The following TENT5D variants were observed in gnomAD, a reference collection of about 807,000 sequenced individuals.
TENT5D encodes cancer/testis antigen 112.
For synonymous variants in TENT5D, 103 were observed against 100.6 expected (o/e 1.02, Z -0.15); for missense variants, 191 against 287.0 (o/e 0.67, Z 2.42).
upstream of TENT5D, among the ~76,000 whole-genome samples, chrX:80,416,222 C>A (rs1362084621): frequency 1.1e-5 from 1 of 93,383 alleles, no homozygotes; most frequent in Non-Finnish European, 2.1e-5. Flanking sequence ...CTTATTTATT[C>A]TTTCAAAGAA....
At chrX:80,351,360 T>C (rs1368205481) in intron 3 of TENT5D, among the ~76,000 whole-genome samples, 1 of 108,740 alleles carries the variant, frequency 9.2e-6, no homozygotes, top group Non-Finnish European at 1.9e-5. Context: ...TGTTTTTTTT[T>C]TCTCAAATCT....
At chrX:80,407,154 A>T (rs1392673149) in intron 3 of TENT5D, among the ~76,000 whole-genome samples, 25 of 109,445 alleles carry the variant, frequency 2.3e-4, no homozygotes, top group Middle Eastern at 4.6e-3. Flanking sequence ...TCATGCCAAA[A>T]TGTAAAGACC....
intron 2 of TENT5D, among the ~76,000 whole-genome samples, chrX:80,342,286 G>A (rs1047070187): frequency 4.5e-5 from 5 of 110,989 alleles, no homozygotes; most frequent in African/African-American, 9.8e-5. Context: ...ACTACAACAC[G>A]TCTCAAATTC....
At chrX:80,345,330 T>C (rs1264829264) in intron 3 of TENT5D, among the ~76,000 whole-genome samples, 1 of 111,726 alleles carries the variant, frequency 9.0e-6, no homozygotes, top group African/African-American at 3.2e-5. Context: ...CATTTCCCCT[T>C]TGTCCTCACC....
chrX:80,380,548 T>C (rs1055829724), intron 3 of TENT5D, among the ~76,000 whole-genome samples: 1 of 110,955 alleles, frequency 9.0e-6, no homozygotes, highest in Non-Finnish European at 1.9e-5. Flanking sequence ...TGTCTAATAT[T>C]GACAGTGGGG....
intron 3 of TENT5D, among the ~76,000 whole-genome samples, chrX:80,401,406 T>G (rs774955390): frequency 9.0e-6 from 1 of 111,692 alleles, no homozygotes; most frequent in Non-Finnish European, 1.9e-5. Context: ...TTTATTTCTT[T>G]CTTTTGCCTT....
intron 3 of TENT5D, among the ~76,000 whole-genome samples, chrX:80,394,930 A>G (rs917906678): frequency 9.0e-6 from 1 of 111,478 alleles, no homozygotes; most frequent in Non-Finnish European, 1.9e-5. Context: ...CGTTAACTAT[A>G]GTCACCCTAA....
rs60527864 is a variant in TENT5D at position 80,424,657 on chromosome X, C to T, written c.-142+4094C>T. ...GACAGCTGTATGATAACTTTTGAAA[C>T]ATAATTTTTTCTCCAGTCCTCATTT... is the stretch of plus-strand genomic sequence containing the variant. On this transcript the variant is annotated intron_variant, in intron 1 of 2. Coordinates refer to ENST00000308293, the Ensembl canonical transcript of TENT5D. 7.0e-3 allele frequency among the ~76,000 whole-genome samples: 786 copies of T among 112,375 alleles called. 6 individuals are homozygous for T. Among genetic ancestry groups the T allele is most frequent in the African/African-American group, 0.024 (741 of 30,940 alleles).
chrX:80,382,642 C>A (rs1930892197), intron 3 of TENT5D, among the ~76,000 whole-genome samples: 1 of 110,902 alleles, frequency 9.0e-6, no homozygotes, highest in African/African-American at 3.3e-5. Flanking sequence ...CTGTGGTGGG[C>A]TCCACCCAGT....
At chrX:80,354,218 GT>G (rs1368755761) in intron 3 of TENT5D, among the ~76,000 whole-genome samples, 1 of 111,319 alleles carries the variant, frequency 9.0e-6, no homozygotes, top group East Asian at 2.8e-4. Flanking sequence ...TCTCACAGGG[GT>G]TCTTTAAATT....
chrX:80,382,710 C>CA (rs1187476319), intron 3 of TENT5D, among the ~76,000 whole-genome samples: 28 of 109,545 alleles, frequency 2.6e-4, no homozygotes, highest in Non-Finnish European at 3.6e-4. Flanking sequence ...GGACGCCCCC[C>CA]CCCCACTGCC....
chrX:80,347,036 C>T (rs1439390891), intron 3 of TENT5D, among the ~76,000 whole-genome samples: 3 of 111,516 alleles, frequency 2.7e-5, no homozygotes, highest in East Asian at 5.6e-4. Context: ...CATAGTATTC[C>T]GTAGTGTATA....
At chrX:80,410,782 GAC>G (rs1931643393) in intron 3 of TENT5D, among the ~76,000 whole-genome samples, 2 of 109,897 alleles carry the variant, frequency 1.8e-5, no homozygotes, top group African/African-American at 6.7e-5. Flanking sequence ...CTACTATAAA[GAC>G]ACATGCACAC....
chrX:80,357,834 T>C (rs751048266), intron 3 of TENT5D, among the ~76,000 whole-genome samples: 47 of 111,193 alleles, frequency 4.2e-4, no homozygotes, highest in African/African-American at 1.3e-3. Flanking sequence ...CATATGGAAC[T>C]AAAAAAGAGC....
At chrX:80,350,706 T>G (rs1454884223) in intron 3 of TENT5D, among the ~76,000 whole-genome samples, 1 of 111,709 alleles carries the variant, frequency 9.0e-6, no homozygotes, top group Non-Finnish European at 1.9e-5. Context: ...GCTAGCTGAT[T>G]ATTTTGCACA....
At chrX:80,352,461 G>A (rs191992317) in intron 3 of TENT5D, among the ~76,000 whole-genome samples, 3 of 110,404 alleles carry the variant, frequency 2.7e-5, no homozygotes, top group Non-Finnish European at 3.8e-5. Flanking sequence ...TAGCGCTGTC[G>A]GGGGAAAACC....
At chrX:80,343,808 T>C (rs908771914) in intron 3 of TENT5D, among the ~76,000 whole-genome samples, 9 of 111,816 alleles carry the variant, frequency 8.0e-5, no homozygotes, top group Non-Finnish European at 1.1e-4. Context: ...AGTCACCTTT[T>C]ATTTTAGGTT....
At chrX:80,351,624 A>G (rs1431539695) in intron 3 of TENT5D, among the ~76,000 whole-genome samples, 1 of 109,926 alleles carries the variant, frequency 9.1e-6, no homozygotes, top group Non-Finnish European at 1.9e-5. Context: ...GTTTGTTATT[A>G]CCCAACTTCT....
chrX:80,345,953 C>G (rs1930050438), intron 3 of TENT5D, among the ~76,000 whole-genome samples: 1 of 111,936 alleles, frequency 8.9e-6, no homozygotes, highest in African/African-American at 3.2e-5. Context: ...TTTACGTCCT[C>G]CCTCCCCAGT....
Sources: gnomAD v4.1 joint callset for allele counts (sites outside exome capture counted in the v4.1 genomes callset) on GRCh38, gnomAD v4.1.1 for gene constraint, MANE v1.5 for transcripts, NCBI Gene and HGNC (gene_info 2026-07-23, HGNC 2026-07-21) for gene names.